DUSP14: variants seen among roughly 807,000 people sequenced by gnomAD.
DUSP14 encodes dual specificity protein phosphatase 14.
DUSP14 carries 5 observed loss-of-function variants against 13.2 expected under a neutral mutation model. The observed-to-expected ratio is 0.38, with a 90% CI of 0.20 to 0.80. The LOEUF (loss-of-function observed/expected upper bound fraction) is 0.80, where lower values mean the gene tolerates loss of function less well. DUSP14 is among the 30% of genes least tolerant of loss of function. The pLI is 0.44. For missense variants in DUSP14, 185 were observed against 264.0 expected (o/e 0.70, Z 2.07); for synonymous variants, 91 against 103.4 (o/e 0.88, Z 0.73).
chr17:37,510,977 T>C (rs954668172), intron 2 of DUSP14, among the ~76,000 whole-genome samples: 1 of 124,618 alleles, frequency 8.0e-6, no homozygotes, highest in Non-Finnish European at 1.6e-5. Context: ...TCTGCTCTTA[T>C]TAAATGTCAA....
In DUSP14 at chr17:37,512,953, T is replaced by G; in HGVS notation, c.*84T>G. 1 of 1,185,846 alleles carries G rather than the reference T, an allele frequency of 8.4e-7. No homozygotes were observed. Among genetic ancestry groups the G allele is most frequent in the Non-Finnish European group, 1.2e-6 (1 of 832,800 alleles). 73.5% of individuals were successfully genotyped at this position (1,185,846 alleles called of 1,614,324 possible). The stretch of plus-strand genomic sequence containing the variant: ...GCTCCCTCTCCACTCTCTTCTCAAA[T>G]GGCTGACTTCTGGTTCTCCCTCAAG... On this transcript the variant is annotated 3_prime_UTR_variant, in exon 3 of 3. Coordinates refer to ENST00000617516, the MANE Select transcript of DUSP14 (RefSeq NM_007026.4). The surrounding 1 kb of genome is among the most constrained non-coding windows in gnomAD (Gnocchi z 4.8).
chr17:37,505,425 A>G (rs1253124295), intron 1 of DUSP14, among the ~76,000 whole-genome samples: 1 of 152,168 alleles, frequency 6.6e-6, no homozygotes, highest in African/African-American at 2.4e-5. Flanking sequence ...TGTGATTACA[A>G]AAGCTTTTTG....
intron 1 of DUSP14, among the ~76,000 whole-genome samples, chr17:37,490,159 G>C: frequency 6.6e-6 from 1 of 150,984 alleles, no homozygotes. Flanking sequence ...CGGAGGAGAG[G>C]CCCGAGACCT....
Position 37,512,799 on chromosome 17 carries a change from C to A in DUSP14, c.527C>A (p.Thr176Lys). Residue 176 changes from threonine to lysine, a missense_variant, in exon 3 of 3, where the codon ACA (threonine) becomes AAA (lysine). Physicochemically the swap from Thr to Lys is moderately conservative, Grantham distance 78. Coordinates refer to ENST00000617516, the MANE Select transcript of DUSP14 (RefSeq NM_007026.4). This position sits in a 1 kb window ranked among gnomAD's most constrained non-coding sequence, Gnocchi z 4.8. The part of the protein sequence containing the change: ...FGKSTVKMVQ[T>K]PYGIVPDVYE... ...AAGTCGACAGTTAAAATGGTACAGACACCTTATGGCATAGTTCCCGACGTC... is the reference window on the plus strand; with the variant it reads ...AAGTCGACAGTTAAAATGGTACAGAAACCTTATGGCATAGTTCCCGACGTC... The A allele has an allele frequency of 6.2e-7, 1 of 1,613,714 alleles. No individual in the cohort carries two copies. The highest frequency in any genetic ancestry group is 8.5e-7 in the Non-Finnish European group (1 of 1,179,998).
chr17:37,502,328 C>T (rs1249195422), intron 1 of DUSP14, among the ~76,000 whole-genome samples: 3 of 151,536 alleles, frequency 2.0e-5, no homozygotes, highest in Non-Finnish European at 4.4e-5. Flanking sequence ...ACCACAGGTG[C>T]ACATCACCAT....
chr17:37,510,449 C>T (rs1568205319), intron 1 of DUSP14: 2 of 152,316 alleles, frequency 1.3e-5, no homozygotes, highest in Middle Eastern at 3.4e-3. Context: ...GTGTTATTGT[C>T]AAAACTCTTA....
At chr17:37,491,959 A>G (rs1032326861) in intron 1 of DUSP14, among the ~76,000 whole-genome samples, 1 of 152,202 alleles carries the variant, frequency 6.6e-6, no homozygotes, top group African/African-American at 2.4e-5. Context: ...ATCTTTTTAG[A>G]CTTTTCTAAG....
At chr17:37,504,370 C>G (rs969379238) in intron 1 of DUSP14, among the ~76,000 whole-genome samples, 2 of 152,166 alleles carry the variant, frequency 1.3e-5, no homozygotes, top group African/African-American at 4.8e-5. Context: ...GAGTGTGACT[C>G]TCAGTCTTTG....
At chr17:37,501,016 G>A (rs114072125) in intron 1 of DUSP14, among the ~76,000 whole-genome samples, 75 of 151,646 alleles carry the variant, frequency 4.9e-4, no homozygotes, top group Admixed American at 3.1e-3. Flanking sequence ...TTGTATGACT[G>A]AGCCACAAAT....
intron 1 of DUSP14, chr17:37,491,647 AATT>A (rs1193440826): frequency 1.3e-5 from 2 of 152,220 alleles, no homozygotes; most frequent in Non-Finnish European, 2.9e-5. Context: ...CTGTAATAAT[AATT>A]AATAGAATGG....
chr17:37,503,281 T>G (rs1413583172), intron 1 of DUSP14, among the ~76,000 whole-genome samples: 1 of 152,022 alleles, frequency 6.6e-6, no homozygotes, highest in Non-Finnish European at 1.5e-5. Flanking sequence ...AAACATTAGC[T>G]AGCCATGGTG....
upstream of DUSP14, among the ~76,000 whole-genome samples, chr17:37,488,975 T>C (rs920421757): frequency 1.3e-5 from 2 of 152,190 alleles, no homozygotes; most frequent in Admixed American, 1.3e-4. Flanking sequence ...GGACTGGGCA[T>C]GGAGTCAGGA....
At chr17:37,509,117 A>ATGTGTGTGTG (rs1315485762) in intron 1 of DUSP14, among the ~76,000 whole-genome samples, 1 of 40,832 alleles carries the variant, frequency 2.4e-5, no homozygotes, top group South Asian at 8.5e-4. Flanking sequence ...ATATATATAT[A>ATGTGTGTGTG]TATATATATA....
intron 1 of DUSP14, among the ~76,000 whole-genome samples, chr17:37,502,823 C>G (rs748165610): frequency 6.6e-6 from 1 of 151,968 alleles, no homozygotes; most frequent in East Asian, 1.9e-4. Flanking sequence ...TAGCAGTGTG[C>G]GACATGTTTG....
chr17:37,488,582 TAGCAA>T (rs1363049017), upstream of DUSP14, among the ~76,000 whole-genome samples: 1 of 152,266 alleles, frequency 6.6e-6, no homozygotes, highest in Non-Finnish European at 1.5e-5. Context: ...TTCCTGAATC[TAGCAA>T]AGTATGCTGC....
rs1168294298 is a variant in DUSP14, at chr17:37,501,476, T to G, written c.-180-9201T>G. Among the ~76,000 whole-genome samples, 27 of 152,058 alleles carry G rather than the reference T, an allele frequency of 1.8e-4. 1 individual carries two copies. Among genetic ancestry groups the G allele is most frequent in the Admixed American group, 1.8e-3 (27 of 15,260 alleles). Reference sequence around the variant, plus strand: ...TGAGGGCTGTAGAAAAGGGCTGTATTCTCCATTCCAATGGAGAATAGCCCC... The same window carrying G: ...TGAGGGCTGTAGAAAAGGGCTGTATGCTCCATTCCAATGGAGAATAGCCCC... On this transcript the variant is annotated intron_variant, in intron 1 of 2. Transcript: ENST00000617516.
intron 2 of DUSP14, among the ~76,000 whole-genome samples, chr17:37,511,585 C>CCTTTTTTTTT (rs1207586646): frequency 5.7e-5 from 5 of 87,312 alleles, no homozygotes; most frequent in African/African-American, 2.6e-4. Flanking sequence ...CTGGCCTTTC[C>CCTTTTTTTTT]TTTTTTTTTT....
chr17:37,507,807 T>C (rs2054147818), intron 1 of DUSP14, among the ~76,000 whole-genome samples: 1 of 152,156 alleles, frequency 6.6e-6, no homozygotes, highest in Admixed American at 6.5e-5. Flanking sequence ...CTTCCAGATT[T>C]TCCACAATGA....
chr17:37,501,381 G>A (rs188060307), intron 1 of DUSP14, among the ~76,000 whole-genome samples: 1 of 152,190 alleles, frequency 6.6e-6, no homozygotes, highest in Non-Finnish European at 1.5e-5. Context: ...TAGAGCCTGC[G>A]TTCTGCATTT....
Sources: allele counts gnomAD v4.1 joint callset (sites outside exome capture counted in the v4.1 genomes callset), GRCh38; gene constraint gnomAD v4.1.1; non-coding constraint Gnocchi (gnomAD v3.1); transcripts MANE v1.5; gene names NCBI Gene and HGNC (gene_info 2026-07-23, HGNC 2026-07-21).